RABGAP1L: variants seen among roughly 807,000 people sequenced by gnomAD.
RABGAP1L encodes the protein RAB GTPase activating protein 1 like.
In RABGAP1L, 63 loss-of-function variants were observed where a neutral mutation model predicts 137.7. The ratio of observed to expected loss-of-function variants is 0.46; its 90% CI spans 0.37 to 0.56. The LOEUF (loss-of-function observed/expected upper bound fraction) is 0.56, where lower values mean the gene tolerates loss of function less well. Ranked by LOEUF, RABGAP1L falls within the 20% of genes least tolerant of loss-of-function variation. The probability of loss-of-function intolerance (pLI) is 0.00; values close to 1 mark genes in which losing one functional copy is unlikely to be tolerated. For synonymous variants in RABGAP1L, 431 were observed against 433.7 expected, an observed-to-expected ratio of 0.99 and a Z score of 0.08; for missense variants, 1,095 against 1,244.0, an observed-to-expected ratio of 0.88 and a Z score of 1.80.
intron 19 of RABGAP1L, among the ~76,000 whole-genome samples, chr1:174,899,279 G>T (rs1441155950): frequency 6.6e-6 from 1 of 152,164 alleles, no homozygotes; most frequent in Admixed American, 6.5e-5. Context: ...GCAAGGTGAG[G>T]AGAGCTCAGG....
intron 11 of RABGAP1L, among the ~76,000 whole-genome samples, chr1:174,338,540 TG>T (rs1259538263): frequency 1.3e-5 from 2 of 151,740 alleles, no homozygotes; most frequent in Non-Finnish European, 2.9e-5. Context: ...TGAAATGTAG[TG>T]TTTTTTTTTT....
At chr1:174,713,693 CTG>C (rs1266160488) in intron 17 of RABGAP1L, among the ~76,000 whole-genome samples, 3 of 152,224 alleles carry the variant, frequency 2.0e-5, no homozygotes, top group African/African-American at 7.2e-5. Flanking sequence ...GCCTGAAGAA[CTG>C]TAAGCCAAAA....
chr1:174,551,212 A>G (rs1266158108), intron 13 of RABGAP1L, among the ~76,000 whole-genome samples: 2 of 151,014 alleles, frequency 1.3e-5, no homozygotes, highest in Admixed American at 6.6e-5. Flanking sequence ...CCATCTCAAA[A>G]AAACAAAAGA....
chr1:174,326,237 A>G (rs955197989), intron 11 of RABGAP1L, among the ~76,000 whole-genome samples: 2 of 152,256 alleles, frequency 1.3e-5, no homozygotes, highest in African/African-American at 4.8e-5. Context: ...ATCCTAAACC[A>G]TGTAGATGAA....
intron 7 of RABGAP1L, among the ~76,000 whole-genome samples, chr1:174,264,547 T>A (rs1165117100): frequency 6.6e-6 from 1 of 152,172 alleles, no homozygotes; most frequent in African/African-American, 2.4e-5. Flanking sequence ...AAAGTTAATA[T>A]GTTCAAAAAT....
chr1:174,838,491 A>AC (rs1254651124), intron 19 of RABGAP1L, among the ~76,000 whole-genome samples: 1 of 152,192 alleles, frequency 6.6e-6, no homozygotes, highest in Non-Finnish European at 1.5e-5. Context: ...AGATTTAACG[A>AC]CCTAGTACAA....
chr1:174,310,736 G>C (rs1002335088), intron 11 of RABGAP1L, among the ~76,000 whole-genome samples: 1 of 151,976 alleles, frequency 6.6e-6, no homozygotes, highest in Non-Finnish European at 1.5e-5. Flanking sequence ...ACACATAGTA[G>C]GTGTATATAT....
intron 13 of RABGAP1L, among the ~76,000 whole-genome samples, chr1:174,596,109 C>T (rs1384299157): frequency 2.3e-5 from 3 of 131,580 alleles, no homozygotes; most frequent in Non-Finnish European, 3.1e-5. Flanking sequence ...GTGGGAGTGA[C>T]CCGATTTTCC....
chr1:174,675,979 T>C (rs950171093), intron 14 of RABGAP1L, among the ~76,000 whole-genome samples: 2 of 147,876 alleles, frequency 1.4e-5, no homozygotes, highest in Non-Finnish European at 1.5e-5. Context: ...AAACTGAGGG[T>C]TTTTTTTTTG....
chr1:174,516,494 C>CA (rs923208764), intron 13 of RABGAP1L, among the ~76,000 whole-genome samples: 41 of 152,130 alleles, frequency 2.7e-4, no homozygotes, highest in African/African-American at 9.2e-4. Context: ...GCTGGTATTA[C>CA]AGGTGTGAGC....
intron 19 of RABGAP1L, among the ~76,000 whole-genome samples, chr1:174,907,709 A>T (rs1174393929): frequency 6.6e-6 from 1 of 152,162 alleles, no homozygotes; most frequent in Non-Finnish European, 1.5e-5. Context: ...TAATAGATTC[A>T]CTAAAAATAA....
chr1:174,258,158 A>G (rs1673276952), intron 7 of RABGAP1L, among the ~76,000 whole-genome samples: 1 of 152,202 alleles, frequency 6.6e-6, no homozygotes, highest in Non-Finnish European at 1.5e-5. Context: ...ATTTTTCTAT[A>G]TTGGTAAAAG....
intron 19 of RABGAP1L, among the ~76,000 whole-genome samples, chr1:174,896,417 C>T (rs1270904314): frequency 3.3e-5 from 5 of 152,076 alleles, no homozygotes; most frequent in African/African-American, 7.2e-5. Flanking sequence ...ATAGTTTCTT[C>T]TGCTGTGCAG....
chr1:174,503,288 G>A (rs923048681), intron 13 of RABGAP1L, among the ~76,000 whole-genome samples: 1 of 152,120 alleles, frequency 6.6e-6, no homozygotes, highest in Admixed American at 6.5e-5. Flanking sequence ...GGCCCACAAA[G>A]CCTAAGATAT....
At chr1:174,636,692 A>G (rs775685310) in intron 13 of RABGAP1L, among the ~76,000 whole-genome samples, 1 of 152,128 alleles carries the variant, frequency 6.6e-6, no homozygotes, top group African/African-American at 2.4e-5. Flanking sequence ...AAAATTAGAT[A>G]ATTTGTGGTA....
At chr1:174,925,753 T>G (rs975558944) in intron 19 of RABGAP1L, among the ~76,000 whole-genome samples, 3 of 151,980 alleles carry the variant, frequency 2.0e-5, no homozygotes, top group African/African-American at 7.2e-5. Flanking sequence ...ATATTTGTTT[T>G]TCTTTTTTCA....
At chr1:174,859,660 A>G (rs544290321) in intron 19 of RABGAP1L, among the ~76,000 whole-genome samples, 2 of 152,058 alleles carry the variant, frequency 1.3e-5, no homozygotes, top group Admixed American at 6.6e-5. Context: ...GGTCACACAG[A>G]GGGGAGCAAC....
chr1:174,395,944 C>T (rs1239101369), intron 13 of RABGAP1L, among the ~76,000 whole-genome samples: 2 of 151,652 alleles, frequency 1.3e-5, no homozygotes, highest in East Asian at 1.9e-4. Flanking sequence ...TGTACGTCTA[C>T]TTGGGTCTGT....
chr1:174,877,626 T>C, intron 19 of RABGAP1L: 2 of 1,603,728 alleles, frequency 1.2e-6, no homozygotes, highest in Non-Finnish European at 1.7e-6. Context: ...CCTTGCACAC[T>C]ACTCTGGTTC....
Sources: gnomAD v4.1 joint callset for allele counts (sites outside exome capture counted in the v4.1 genomes callset) on GRCh38, gnomAD v4.1.1 for gene constraint, MANE v1.5 for transcripts, NCBI Gene and HGNC (gene_info 2026-07-23, HGNC 2026-07-21) for gene names.